ARHGAP12: variants seen among roughly 807,000 people sequenced by gnomAD.
ARHGAP12 encodes Rho GTPase activating protein 12.
Under a neutral mutation model 108.6 loss-of-function variants are expected in ARHGAP12, and 64 were observed. The ratio of observed to expected loss-of-function variants is 0.59; its 90% CI spans 0.48 to 0.73. ARHGAP12 has a LOEUF of 0.73. Among genes scored for constraint, ARHGAP12 ranks in the 30% least tolerant of loss-of-function variants. ARHGAP12 has a pLI of 0.00. For synonymous variants in ARHGAP12, 312 were observed against 337.2 expected (o/e 0.93, Z 0.82); for missense variants, 940 against 1,005.9 (o/e 0.93, Z 0.89).
rs750547282 is a variant in ARHGAP12, at chr10:31,908,412, T to A, written c.444A>T (p.Leu148=). ...PSYNQGQTVN[L]SLDLTHNNGK... is the part of the protein sequence containing the mutation. ...CGTTATTATGGGTCAGGTCCAGGCTTAGGTTGACAGTCTGACCTTGATTAT... is the reference window on the plus strand; with the variant it reads ...CGTTATTATGGGTCAGGTCCAGGCTAAGGTTGACAGTCTGACCTTGATTAT... Residue 148 remains leucine, a synonymous_variant, in exon 3 of 20, where the codon CTA becomes CTT. Transcript: ENST00000344936. 33 of 1,614,052 alleles carry A rather than the reference T, an allele frequency of 2.0e-5. No individual in the cohort carries two copies. In the Admixed American group the frequency reaches 5.5e-4, roughly 27 times the overall value.
intron 6 of ARHGAP12, among the ~76,000 whole-genome samples, chr10:31,852,145 AC>A (rs1490570812): frequency 3.9e-5 from 6 of 152,222 alleles, no homozygotes; most frequent in African/African-American, 1.2e-4. Context: ...ATACTGAGTT[AC>A]TTTTCTTTCT....
At position 31,861,359 on chromosome 10, in the gene ARHGAP12, C is replaced by T. The variant is rs780506415; in HGVS notation, c.948+36G>A. 4 of 1,554,412 alleles carry T rather than the reference C, an allele frequency of 2.6e-6. No individual in the cohort carries two copies. In the Admixed American group the frequency reaches 6.4e-5, roughly 25 times the overall value. On this transcript the variant is annotated intron_variant, in intron 4 of 19. Transcript: ENST00000344936. ...TTTCTGAATAATGAAAAGAGAAAAT[C>T]TGGTAACTTGCAGTTGATTCCTTAA...
intron 6 of ARHGAP12, among the ~76,000 whole-genome samples, chr10:31,848,570 C>T (rs1375779325): frequency 1.3e-5 from 2 of 152,216 alleles, no homozygotes; most frequent in African/African-American, 4.8e-5. Flanking sequence ...TATTTGTTAG[C>T]TTTCTGTCCC....
In ARHGAP12 at chr10:31,841,478, C is replaced by T. The variant is rs573753671; in HGVS notation, c.1297-1767G>A. On this transcript the variant is annotated intron_variant, in intron 7 of 19. Transcript: ENST00000344936. Reference sequence around the variant, plus strand: ...CCTGGGCTAACAATATTCAATATGACACTCTCTCATGATGCTGCACAGAGG... The same window carrying T: ...CCTGGGCTAACAATATTCAATATGATACTCTCTCATGATGCTGCACAGAGG... 4.6e-5 allele frequency among the ~76,000 whole-genome samples: 7 copies of T among 152,196 alleles called. No homozygotes were observed. In the South Asian group the frequency reaches 1.0e-3, roughly 23 times the overall value.
rs1416499911 is a variant in ARHGAP12 at position 31,821,778 on chromosome 10, T to C, written c.1531-1290A>G. Among the ~76,000 whole-genome samples, 4 of 152,292 alleles carry C rather than the reference T, an allele frequency of 2.6e-5. No individual in the cohort carries two copies. In the South Asian group the frequency reaches 6.2e-4, roughly 24 times the overall value. ...TACATGGAATTTATTTGTGGAATCA[T>C]AATAAAAATCACAATAGAAATTGTA... On this transcript the variant is annotated intron_variant, in intron 11 of 19. Coordinates refer to ENST00000344936, the MANE Select transcript of ARHGAP12 (RefSeq NM_018287.7).
chr10:31,887,051 T>C (rs545160695), intron 3 of ARHGAP12, among the ~76,000 whole-genome samples: 1 of 152,344 alleles, frequency 6.6e-6, no homozygotes, highest in Non-Finnish European at 1.5e-5. Context: ...TGTGTATACA[T>C]ACAGGGAGAC....
chr10:31,856,157 T>C (rs546650498), intron 4 of ARHGAP12, among the ~76,000 whole-genome samples: 48 of 152,170 alleles, frequency 3.2e-4, no homozygotes, highest in African/African-American at 1.2e-3. Flanking sequence ...ACAGAAACAG[T>C]TGAAAATGTT....
At chr10:31,875,952 T>A (rs979859429) in intron 3 of ARHGAP12, among the ~76,000 whole-genome samples, 4 of 152,258 alleles carry the variant, frequency 2.6e-5, no homozygotes, top group African/African-American at 9.6e-5. Context: ...TGTGACTTAT[T>A]TCACTTAGCA....
intron 4 of ARHGAP12, among the ~76,000 whole-genome samples, chr10:31,856,548 A>G (rs1564393036): frequency 6.6e-6 from 1 of 152,216 alleles, no homozygotes; most frequent in East Asian, 1.9e-4. Context: ...TTCTAGCCAC[A>G]AGAGTCTTCA....
At position 31,819,490 on chromosome 10, in the gene ARHGAP12, C is replaced by T. The variant is rs116607254; in HGVS notation, c.1632+897G>A. On this transcript the variant is annotated intron_variant, in intron 12 of 19. Coordinates refer to ENST00000344936, the MANE Select transcript of ARHGAP12 (RefSeq NM_018287.7). ...CTTCTGTCAATAGGCTGCCTCTCTT[C>T]CCACAACTCTGAATACTTGGCTAGT... 1.4e-3 allele frequency among the ~76,000 whole-genome samples: 211 copies of T among 152,308 alleles called. 1 individual carries two copies. The highest frequency in any genetic ancestry group is 4.9e-3 in the African/African-American group (204 of 41,570).
At chr10:31,873,205 C>T (rs373993581) in intron 3 of ARHGAP12, among the ~76,000 whole-genome samples, 15 of 152,232 alleles carry the variant, frequency 9.9e-5, no homozygotes, top group East Asian at 3.9e-4. Flanking sequence ...ATAATCAGCA[C>T]GCAAATTACT....
chr10:31,902,329 C>CAA (rs1337648963), intron 3 of ARHGAP12, among the ~76,000 whole-genome samples: 1,328 of 97,518 alleles, frequency 0.014, 16 homozygotes, highest in African/African-American at 0.046. Context: ...TATCCATAGG[C>CAA]AAAAAAAAAA....
intron 3 of ARHGAP12, among the ~76,000 whole-genome samples, chr10:31,903,154 A>G (rs1023468783): frequency 6.6e-6 from 1 of 152,224 alleles, no homozygotes; most frequent in African/African-American, 2.4e-5. Context: ...TGACTTTCAC[A>G]GAGCGTTCTT....
chr10:31,843,612 CA>C, intron 6 of ARHGAP12, 26 bp from the exon 7 acceptor site: 1 of 1,563,434 alleles, frequency 6.4e-7, no homozygotes, highest in Non-Finnish European at 8.6e-7. Context: ...GCAAAAAACA[CA>C]AAAAACAGTT....
rs1285479931 is a variant in ARHGAP12, at chr10:31,820,436, G to A, written c.1583C>T (p.Thr528Ile). ...PEFTVDLKGA[T>I]IEMASKDKSS... ...TTTATCCTTTGAAGCCATCTCAATT[G>A]TTGCCCCCTTGAGGTCCACTGTGAA... is the stretch of plus-strand genomic sequence containing the variant. The change falls in exon 12 of 20, where the codon ACA becomes ATA. Residue 528 changes from threonine (T) to isoleucine (I), a missense_variant. Coordinates refer to ENST00000344936, the MANE Select transcript of ARHGAP12 (RefSeq NM_018287.7). 3 of 1,611,536 alleles carry A rather than the reference G, an allele frequency of 1.9e-6. No homozygotes were observed. In the African/African-American group the frequency reaches 4.0e-5, roughly 22 times the overall value.
Position 31,921,427 on chromosome 10 carries a change from C to T in ARHGAP12, c.-111+7256G>A, listed in dbSNP as rs192690820. 9.9e-5 allele frequency among the ~76,000 whole-genome samples: 15 copies of T among 152,270 alleles called. No homozygotes were observed. In the East Asian group the frequency reaches 2.5e-3, roughly 25 times the overall value. On this transcript the variant is annotated intron_variant, in intron 1 of 19. Coordinates refer to ENST00000344936, the MANE Select transcript of ARHGAP12 (RefSeq NM_018287.7). ...AAAACACAAAGTCTCACATCAATGA[C>T]ATAAGCTTCCACTCTAAGAAGGTAA...
At chr10:31,915,885 T>G (rs995812623) in intron 1 of ARHGAP12, among the ~76,000 whole-genome samples, 2 of 152,226 alleles carry the variant, frequency 1.3e-5, no homozygotes, top group Admixed American at 6.5e-5. Context: ...TAGGTAACAG[T>G]ATCTACAAAT....
intron 3 of ARHGAP12, among the ~76,000 whole-genome samples, chr10:31,893,946 C>T (rs1838566166): frequency 6.6e-6 from 1 of 152,202 alleles, no homozygotes. Flanking sequence ...GTTCAACATA[C>T]ACAAATCAGT....
At chr10:31,817,998 A>G (rs1835271345) in intron 12 of ARHGAP12, 112 bp from the exon 13 acceptor site, 1 of 728,712 alleles carries the variant, frequency 1.4e-6, no homozygotes, top group African/African-American at 1.8e-5. Context: ...GCTGCCATAT[A>G]TTATGTAACA....
Sources: gnomAD v4.1 joint callset for allele counts (sites outside exome capture counted in the v4.1 genomes callset) on GRCh38, gnomAD v4.1.1 for gene constraint, MANE v1.5 for transcripts, NCBI Gene and HGNC (gene_info 2026-07-23, HGNC 2026-07-21) for gene names.